TAAR6: variants seen among roughly 807,000 people sequenced by gnomAD.
TAAR6 encodes the protein trace amine-associated receptor 6.
In TAAR6, 15 loss-of-function variants were observed where a neutral mutation model predicts 18.4. That is an observed-to-expected ratio of 0.82 (90% CI 0.55 to 1.26). The LOEUF is 1.26. Among genes scored for constraint, TAAR6 ranks in the 50% most tolerant of loss-of-function variants. TAAR6 has a pLI of 0.00. For synonymous variants in TAAR6, 192 were observed against 162.4 expected, an observed-to-expected ratio of 1.18 and a Z score of -1.39; for missense variants, 501 against 415.9, an observed-to-expected ratio of 1.20 and a Z score of -1.78.
chr6:132,570,572 C>A lies in TAAR6; in HGVS notation c.251C>A (p.Thr84Asn). 1 of 1,614,110 alleles carries A rather than the reference C, an allele frequency of 6.2e-7. No homozygotes were observed. The highest frequency in any genetic ancestry group is 8.5e-7 in the Non-Finnish European group (1 of 1,180,000). ...LACADFLVGVTVMPFSMVRTV... is the reference protein window; with the variant it reads ...LACADFLVGVNVMPFSMVRTV... Reference sequence around the variant, plus strand: ...TGCGCTGATTTCTTGGTGGGTGTGACTGTGATGCCCTTCAGCATGGTCAGG... The same window carrying A: ...TGCGCTGATTTCTTGGTGGGTGTGAATGTGATGCCCTTCAGCATGGTCAGG... Residue 84 changes from threonine to asparagine, a missense_variant, in exon 1 of 1, where the codon ACT becomes AAT. By Grantham distance (65) the Thr-to-Asn change is moderately conservative. Coordinates refer to ENST00000275198, the MANE Select transcript of TAAR6 (RefSeq NM_175067.1).
At position 132,570,421 on chromosome 6, in the gene TAAR6, A is replaced by T; in HGVS notation, c.100A>T (p.Ile34Phe). ...CCCCTTCTCGCCGGGATCCCGGGTGATTCTGTACATAGTGTTTGGCTTTGG... is the reference window on the plus strand; with the variant it reads ...CCCCTTCTCGCCGGGATCCCGGGTGTTTCTGTACATAGTGTTTGGCTTTGG... ...KIPFSPGSRVILYIVFGFGAV... is the reference protein window; with the variant it reads ...KIPFSPGSRVFLYIVFGFGAV... The change falls in exon 1 of 1, where the codon ATT (isoleucine) becomes TTT (phenylalanine). Residue 34 changes from isoleucine to phenylalanine, a missense_variant. Physicochemically the swap from Ile to Phe is conservative, Grantham distance 21. Coordinates refer to ENST00000275198, the MANE Select transcript of TAAR6 (RefSeq NM_175067.1). 6.2e-7 allele frequency: 1 copy of T among 1,613,928 alleles called. No individual in the cohort carries two copies. Among genetic ancestry groups the T allele is most frequent in the Non-Finnish European group, 8.5e-7 (1 of 1,179,950 alleles).
Position 132,570,788 on chromosome 6 carries a change from C to G in TAAR6, c.467C>G (p.Ser156Cys). The G allele has an allele frequency of 6.2e-7, 1 of 1,614,106 alleles. No individual in the cohort carries two copies. Among genetic ancestry groups the G allele is most frequent in the Non-Finnish European group, 8.5e-7 (1 of 1,180,002 alleles). Reference sequence around the variant, plus strand: ...GTGTCAGGAATTTGCATCAGCGTGTCCTGGATCCTGCCCCTCATGTACAGC... The same window carrying G: ...GTGTCAGGAATTTGCATCAGCGTGTGCTGGATCCTGCCCCTCATGTACAGC... ...VSVSGICISVSWILPLMYSGA... is the reference protein window; with the variant it reads ...VSVSGICISVCWILPLMYSGA... The change falls in exon 1 of 1, where the codon TCC becomes TGC. Residue 156 changes from serine (S) to cysteine (C), a missense_variant. Ser to Cys is a moderately radical substitution (Grantham distance 112). Transcript: ENST00000275198.
In TAAR6 at chr6:132,570,781, A is replaced by T. The variant is rs781433346; in HGVS notation, c.460A>T (p.Ser154Cys). Residue 154 changes from serine (S) to cysteine (C), a missense_variant, in exon 1 of 1, where the codon AGC becomes TGC. Ser to Cys is a moderately radical substitution (Grantham distance 112). Transcript: ENST00000275198. ...CGTATCTGTGTCAGGAATTTGCATC[A>T]GCGTGTCCTGGATCCTGCCCCTCAT... ...FTVSVSGICISVSWILPLMYS... is the reference protein window; with the variant it reads ...FTVSVSGICICVSWILPLMYS... 6.2e-7 allele frequency: 1 copy of T among 1,614,000 alleles called. No homozygotes were observed. Among genetic ancestry groups the T allele is most frequent in the Non-Finnish European group, 8.5e-7 (1 of 1,180,008 alleles).
Position 132,570,578 on chromosome 6 carries a change from T to A in TAAR6, c.257T>A (p.Met86Lys). ...CADFLVGVTV[M>K]PFSMVRTVES... is the part of the protein sequence containing the mutation. ...GATTTCTTGGTGGGTGTGACTGTGATGCCCTTCAGCATGGTCAGGACGGTG... is the reference window on the plus strand; with the variant it reads ...GATTTCTTGGTGGGTGTGACTGTGAAGCCCTTCAGCATGGTCAGGACGGTG... Residue 86 changes from methionine to lysine, a missense_variant, in exon 1 of 1, where the codon ATG becomes AAG. Met to Lys is a moderately conservative substitution (Grantham distance 95). Coordinates refer to ENST00000275198, the MANE Select transcript of TAAR6 (RefSeq NM_175067.1). 6.2e-7 allele frequency: 1 copy of A among 1,614,194 alleles called. No individual in the cohort carries two copies. Among genetic ancestry groups the A allele is most frequent in the Non-Finnish European group, 8.5e-7 (1 of 1,180,022 alleles).
rs370085740 is a variant in TAAR6, at chr6:132,570,961, A to G, written c.640A>G (p.Ile214Val). 1.2e-6 allele frequency: 2 copies of G among 1,613,952 alleles called. No homozygotes were observed. The highest frequency in any genetic ancestry group is 1.7e-5 in the Admixed American group (1 of 59,998). Residue 214 changes from isoleucine to valine, a missense_variant, in exon 1 of 1, where the codon ATA becomes GTA. Physicochemically the swap from Ile to Val is conservative, Grantham distance 29. Transcript: ENST00000275198. ...LSFFIPTFIM[I>V]ILYGNIFLVA... ...CTTCTTTATACCTACCTTTATTATG[A>G]TAATTCTGTATGGTAACATATTTCT...
Position 132,570,793 on chromosome 6 carries a change from A to T in TAAR6, c.472A>T (p.Ile158Phe), listed in dbSNP as rs150333502. 6.2e-7 allele frequency: 1 copy of T among 1,613,914 alleles called. No individual in the cohort carries two copies. Among genetic ancestry groups the T allele is most frequent in the Non-Finnish European group, 8.5e-7 (1 of 1,180,000 alleles). The change falls in exon 1 of 1, where the codon ATC (isoleucine) becomes TTC (phenylalanine). Residue 158 changes from isoleucine (I) to phenylalanine (F), a missense_variant. Transcript: ENST00000275198. Reference protein sequence around the residue: ...VSGICISVSWILPLMYSGAVF... With the variant: ...VSGICISVSWFLPLMYSGAVF... Reference sequence around the variant, plus strand: ...AGGAATTTGCATCAGCGTGTCCTGGATCCTGCCCCTCATGTACAGCGGTGC... The same window carrying T: ...AGGAATTTGCATCAGCGTGTCCTGGTTCCTGCCCCTCATGTACAGCGGTGC...
chr6:132,570,346 G>A lies in TAAR6; in HGVS notation c.25G>A (p.Val9Met), dbSNP rs376531717. The stretch of plus-strand genomic sequence containing the variant: ...TATGAGCAGCAATTCATCCCTGCTG[G>A]TGGCTGTGCAGCTGTGCTACGCGAA... MSSNSSLL[V>M]AVQLCYANVN... Residue 9 changes from valine (V) to methionine (M), a missense_variant, in exon 1 of 1, where the codon GTG becomes ATG. Coordinates refer to ENST00000275198, the MANE Select transcript of TAAR6 (RefSeq NM_175067.1). 24 of 1,610,864 alleles carry A rather than the reference G, an allele frequency of 1.5e-5. No homozygotes were observed. The highest frequency in any genetic ancestry group is 1.9e-5 in the Non-Finnish European group (22 of 1,177,390).
At position 132,570,588 on chromosome 6, in the gene TAAR6, C is replaced by T; in HGVS notation, c.267C>T (p.Ser89=). The T allele has an allele frequency of 6.2e-7, 1 of 1,614,162 alleles. No homozygotes were observed. Among genetic ancestry groups the T allele is most frequent in the African/African-American group, 1.3e-5 (1 of 75,064 alleles). ...FLVGVTVMPF[S]MVRTVESCWY... ...TGGGTGTGACTGTGATGCCCTTCAG[C>T]ATGGTCAGGACGGTGGAGAGCTGCT... Residue 89 remains serine, a synonymous_variant, in exon 1 of 1, where the codon AGC becomes AGT. Coordinates refer to ENST00000275198, the MANE Select transcript of TAAR6 (RefSeq NM_175067.1).
rs41298397 is a variant in TAAR6 at position 132,570,838 on chromosome 6, T to A, written c.517T>A (p.Tyr173Asn). 1 of 1,614,204 alleles carries A rather than the reference T, an allele frequency of 6.2e-7. No individual in the cohort carries two copies. The highest frequency in any genetic ancestry group is 8.5e-7 in the Non-Finnish European group (1 of 1,180,002). The change falls in exon 1 of 1, where the codon TAT becomes AAT. Residue 173 changes from tyrosine (Y) to asparagine (N), a missense_variant. Tyr to Asn is a moderately radical substitution (Grantham distance 143, BLOSUM62 -2). Transcript: ENST00000275198. ...CGGTGCTGTGTTCTACACAGGTGTCTATGACGATGGGCTGGAGGAATTATC... is the reference window on the plus strand; with the variant it reads ...CGGTGCTGTGTTCTACACAGGTGTCAATGACGATGGGCTGGAGGAATTATC... Reference protein sequence around the residue: ...YSGAVFYTGVYDDGLEELSDA... With the variant: ...YSGAVFYTGVNDDGLEELSDA...
At position 132,570,889 on chromosome 6, in the gene TAAR6, T is replaced by G; in HGVS notation, c.568T>G (p.Cys190Gly). The part of the protein sequence containing the change: ...LSDALNCIGG[C>G]QTVVNQNWVL... Reference sequence around the variant, plus strand: ...TGATGCCCTAAACTGTATAGGAGGTTGTCAGACCGTTGTAAATCAAAACTG... The same window carrying G: ...TGATGCCCTAAACTGTATAGGAGGTGGTCAGACCGTTGTAAATCAAAACTG... The change falls in exon 1 of 1, where the codon TGT becomes GGT. Residue 190 changes from cysteine to glycine, a missense_variant. Coordinates refer to ENST00000275198, the MANE Select transcript of TAAR6 (RefSeq NM_175067.1). 6.2e-7 allele frequency: 1 copy of G among 1,614,208 alleles called. No individual in the cohort carries two copies. Among genetic ancestry groups the G allele is most frequent in the Non-Finnish European group, 8.5e-7 (1 of 1,180,004 alleles).
At position 132,570,550 on chromosome 6, in the gene TAAR6, G is replaced by A. The variant is rs767994339; in HGVS notation, c.229G>A (p.Ala77Thr). 8 of 1,614,046 alleles carry A rather than the reference G, an allele frequency of 5.0e-6. No homozygotes were observed. Among genetic ancestry groups the A allele is most frequent in the Non-Finnish European group, 5.9e-6 (7 of 1,180,004 alleles). Reference protein sequence around the residue: ...TNFLVASLACADFLVGVTVMP... With the variant: ...TNFLVASLACTDFLVGVTVMP... ...TTTTCTCGTTGCCTCTCTGGCCTGCGCTGATTTCTTGGTGGGTGTGACTGT... is the reference window on the plus strand; with the variant it reads ...TTTTCTCGTTGCCTCTCTGGCCTGCACTGATTTCTTGGTGGGTGTGACTGT... Residue 77 changes from alanine to threonine, a missense_variant, in exon 1 of 1, where the codon GCT becomes ACT. By Grantham distance (58) the Ala-to-Thr change is moderately conservative (BLOSUM62 0). Coordinates refer to ENST00000275198, the MANE Select transcript of TAAR6 (RefSeq NM_175067.1).
Position 132,571,039 on chromosome 6 carries a change from T to G in TAAR6, c.718T>G (p.Ser240Ala). Residue 240 changes from serine (S) to alanine (A), a missense_variant, in exon 1 of 1, where the codon TCA becomes GCA. Transcript: ENST00000275198. The stretch of plus-strand genomic sequence containing the variant: ...AGAAAATACTGGTAGCAAGACAGAA[T>G]CATCCTCAGAGAGTTACAAAGCCAG... ...KIENTGSKTE[S>A]SSESYKARVA... is the part of the protein sequence containing the mutation. The G allele has an allele frequency of 6.2e-7, 1 of 1,614,086 alleles. No homozygotes were observed.
rs545233694 is a variant in TAAR6 at position 132,570,977 on chromosome 6, A to G, written c.656A>G (p.Asn219Ser). ...TTTATTATGATAATTCTGTATGGTA[A>G]CATATTTCTTGTGGCTAGACGACAG... ...PTFIMIILYG[N>S]IFLVARRQAK... The change falls in exon 1 of 1, where the codon AAC becomes AGC. Residue 219 changes from asparagine to serine, a missense_variant. Asn to Ser is a conservative substitution (Grantham distance 46, BLOSUM62 1). Coordinates refer to ENST00000275198, the MANE Select transcript of TAAR6 (RefSeq NM_175067.1). 1 of 1,614,120 alleles carries G rather than the reference A, an allele frequency of 6.2e-7. No homozygotes were observed. Among genetic ancestry groups the G allele is most frequent in the Admixed American group, 1.7e-5 (1 of 60,022 alleles).
chr6:132,570,814 G>A lies in TAAR6; in HGVS notation c.493G>A (p.Gly165Ser), dbSNP rs17061401. 3,433 of 1,613,974 alleles carry A rather than the reference G, an allele frequency of 2.1e-3. 44 individuals are homozygous for A. The African/African-American group carries it at 0.035, about 17-fold the overall frequency. ...VSWILPLMYS[G>S]AVFYTGVYDD... ...CTGGATCCTGCCCCTCATGTACAGC[G>A]GTGCTGTGTTCTACACAGGTGTCTA... is the stretch of plus-strand genomic sequence containing the variant. Residue 165 changes from glycine (G) to serine (S), a missense_variant, in exon 1 of 1, where the codon GGT becomes AGT. By Grantham distance (56) the Gly-to-Ser change is moderately conservative. Coordinates refer to ENST00000275198, the MANE Select transcript of TAAR6 (RefSeq NM_175067.1).
Position 132,571,147 on chromosome 6 carries a change from A to C in TAAR6, c.826A>C (p.Ile276Leu). The change falls in exon 1 of 1, where the codon ATT becomes CTT. Residue 276 changes from isoleucine (I) to leucine (L), a missense_variant. Transcript: ENST00000275198. ...TATGATTTCATGGTTACCATATAGC[A>C]TTGATTCATTAATTGATGCCTTTAT... ...AFMISWLPYSIDSLIDAFMGF... is the reference protein window; with the variant it reads ...AFMISWLPYSLDSLIDAFMGF... 1 of 1,614,104 alleles carries C rather than the reference A, an allele frequency of 6.2e-7. No individual in the cohort carries two copies. The highest frequency in any genetic ancestry group is 8.5e-7 in the Non-Finnish European group (1 of 1,179,982).
chr6:132,570,888 T>C lies in TAAR6; in HGVS notation c.567T>C (p.Gly189=). ...ELSDALNCIG[G]CQTVVNQNWV... is the part of the protein sequence containing the mutation. ...CTGATGCCCTAAACTGTATAGGAGG[T>C]TGTCAGACCGTTGTAAATCAAAACT... The change falls in exon 1 of 1, where the codon GGT becomes GGC. Residue 189 remains glycine (G), a synonymous_variant. Coordinates refer to ENST00000275198, the MANE Select transcript of TAAR6 (RefSeq NM_175067.1). 2 of 1,614,178 alleles carry C rather than the reference T, an allele frequency of 1.2e-6. No homozygotes were observed. The highest frequency in any genetic ancestry group is 2.2e-5 in the East Asian group (1 of 44,884).
In TAAR6 at chr6:132,571,243, C is replaced by T; in HGVS notation, c.922C>T (p.Pro308Ser). The T allele has an allele frequency of 6.2e-7, 1 of 1,613,932 alleles. No homozygotes were observed. The highest frequency in any genetic ancestry group is 8.5e-7 in the Non-Finnish European group (1 of 1,179,954). ...WCAYYNSAMNPLIYALFYPWF... is the reference protein window; with the variant it reads ...WCAYYNSAMNSLIYALFYPWF... ...TGCTTATTATAACTCAGCCATGAAT[C>T]CTTTGATTTATGCTTTATTTTACCC... The change falls in exon 1 of 1, where the codon CCT becomes TCT. Residue 308 changes from proline to serine, a missense_variant. By Grantham distance (74) the Pro-to-Ser change is moderately conservative. Transcript: ENST00000275198.
chr6:132,570,597 G>A lies in TAAR6; in HGVS notation c.276G>A (p.Arg92=). The change falls in exon 1 of 1, where the codon AGG becomes AGA. Residue 92 remains arginine (R), a synonymous_variant. Transcript: ENST00000275198. ...GVTVMPFSMV[R]TVESCWYFGR... is the part of the protein sequence containing the mutation. ...CTGTGATGCCCTTCAGCATGGTCAG[G>A]ACGGTGGAGAGCTGCTGGTATTTTG... 1 of 1,614,138 alleles carries A rather than the reference G, an allele frequency of 6.2e-7. No individual in the cohort carries two copies. Among genetic ancestry groups the A allele is most frequent in the Non-Finnish European group, 8.5e-7 (1 of 1,180,010 alleles).
rs775936848 is a variant in TAAR6, at chr6:132,570,493, C to T, written c.172C>T (p.Leu58Phe). 4 of 1,613,888 alleles carry T rather than the reference C, an allele frequency of 2.5e-6. No homozygotes were observed. In the Admixed American group the frequency reaches 6.7e-5, roughly 27 times the overall value. Residue 58 changes from leucine to phenylalanine, a missense_variant, in exon 1 of 1, where the codon CTC (leucine) becomes TTC (phenylalanine). Coordinates refer to ENST00000275198, the MANE Select transcript of TAAR6 (RefSeq NM_175067.1). ...AAACCTCCTGGTGATGATTTCAATC[C>T]TCCATTTCAAGCAGCTGCACTCTCC... ...FGNLLVMISI[L>F]HFKQLHSPTN...
Sources: gnomAD v4.1 joint callset for allele counts on GRCh38, gnomAD v4.1.1 for gene constraint, MANE v1.5 for transcripts, NCBI Gene and HGNC (gene_info 2026-07-23, HGNC 2026-07-21) for gene names.